The following SAMTOR variants were observed in gnomAD, a reference collection of about 807,000 sequenced individuals.
SAMTOR encodes the protein UPF0532 protein C7orf60.
chr7:112,913,730 T>C, the SAMTOR span, among the ~76,000 whole-genome samples: 1 of 152,212 alleles, frequency 6.6e-6, no homozygotes, highest in Non-Finnish European at 1.5e-5. Context: ...CTCCTGGCTG[T>C]TTCTGAAACA....
chr7:112,921,311 A>T, the SAMTOR span, among the ~76,000 whole-genome samples: 1 of 152,054 alleles, frequency 6.6e-6, no homozygotes. Flanking sequence ...CAACTATCTG[A>T]TCTTTGACAA....
At chr7:112,881,103 C>T in the SAMTOR span, among the ~76,000 whole-genome samples, 2 of 152,202 alleles carry the variant, frequency 1.3e-5, no homozygotes, top group Non-Finnish European at 2.9e-5. Context: ...GCTCCTGCCG[C>T]CCACTCCAAT....
At chr7:112,897,422 A>G in the SAMTOR span, among the ~76,000 whole-genome samples, 1 of 152,154 alleles carries the variant, frequency 6.6e-6, no homozygotes, top group Middle Eastern at 3.2e-3. Context: ...GGTGATATTC[A>G]AAAGTTCTTG....
chr7:112,881,192 C>T, the SAMTOR span, among the ~76,000 whole-genome samples: 1 of 152,216 alleles, frequency 6.6e-6, no homozygotes, highest in Non-Finnish European at 1.5e-5. Flanking sequence ...GACACTCCAG[C>T]CCCCTGCCAC....
chr7:112,838,762 C>T, the SAMTOR span, among the ~76,000 whole-genome samples: 1 of 151,620 alleles, frequency 6.6e-6, no homozygotes, highest in Non-Finnish European at 1.5e-5. Flanking sequence ...AAAAGAACTG[C>T]AAAAATATCC....
the SAMTOR span, among the ~76,000 whole-genome samples, chr7:112,910,150 AC>A: frequency 6.6e-6 from 1 of 151,780 alleles, no homozygotes; most frequent in African/African-American, 2.4e-5. Context: ...TTATTTGAAC[AC>A]CCCACCCCCC....
the SAMTOR span, among the ~76,000 whole-genome samples, chr7:112,881,889 G>A: frequency 6.6e-6 from 1 of 152,234 alleles, no homozygotes; most frequent in Admixed American, 6.5e-5. Flanking sequence ...AAAACAGGAG[G>A]CTGAAATGGC....
chr7:112,868,415 T>C, the SAMTOR span, among the ~76,000 whole-genome samples: 5 of 152,276 alleles, frequency 3.3e-5, no homozygotes, highest in South Asian at 2.1e-4. Context: ...GCTGGTTACA[T>C]GAATGAAAGC....
the SAMTOR span, among the ~76,000 whole-genome samples, chr7:112,899,027 C>A: frequency 6.6e-6 from 1 of 152,104 alleles, no homozygotes; most frequent in Non-Finnish European, 1.5e-5. Context: ...CTTCTATGCC[C>A]AGACACTGAA....
At chr7:112,866,548 G>A in the SAMTOR span, among the ~76,000 whole-genome samples, 79 of 152,350 alleles carry the variant, frequency 5.2e-4, no homozygotes, top group African/African-American at 1.3e-3. Flanking sequence ...AAGGAAGGGC[G>A]TGAGTTCTAG....
chr7:112,919,620 G>A, the SAMTOR span, among the ~76,000 whole-genome samples: 1 of 152,088 alleles, frequency 6.6e-6, no homozygotes, highest in African/African-American at 2.4e-5. Context: ...GAAGAAAATA[G>A]AGACACAAAA....
the SAMTOR span, among the ~76,000 whole-genome samples, chr7:112,860,471 C>T: frequency 3.9e-5 from 6 of 152,068 alleles, no homozygotes; most frequent in South Asian, 1.2e-3. Flanking sequence ...TTGCATCCTG[C>T]GACTGTATTG....
the SAMTOR span, among the ~76,000 whole-genome samples, chr7:112,938,662 C>G: frequency 6.6e-6 from 1 of 152,212 alleles, no homozygotes; most frequent in Non-Finnish European, 1.5e-5. Flanking sequence ...AGAAGTCTCT[C>G]TCCCAAGCCT....
chr7:112,908,146 A>G, the SAMTOR span, among the ~76,000 whole-genome samples: 1 of 152,186 alleles, frequency 6.6e-6, no homozygotes, highest in South Asian at 2.1e-4. Flanking sequence ...GTCAAACATT[A>G]TCTTAGGTGT....
the SAMTOR span, among the ~76,000 whole-genome samples, chr7:112,893,940 C>T: frequency 6.6e-6 from 1 of 152,214 alleles, no homozygotes; most frequent in African/African-American, 2.4e-5. Flanking sequence ...ATGACTTTTC[C>T]TTTGAATTCA....
the SAMTOR span, among the ~76,000 whole-genome samples, chr7:112,828,620 G>GACATAATTCA: frequency 6.6e-6 from 1 of 152,164 alleles, no homozygotes; most frequent in East Asian, 1.9e-4. Flanking sequence ...GTTTTAGGTT[G>GACATAATTCA]ACATAATTCA....
chr7:112,842,872 C>A, the SAMTOR span, among the ~76,000 whole-genome samples: 1 of 151,956 alleles, frequency 6.6e-6, no homozygotes, highest in Non-Finnish European at 1.5e-5. Context: ...CACTTTACTT[C>A]CACATTAATA....
At chr7:112,893,646 A>T in the SAMTOR span, among the ~76,000 whole-genome samples, 5 of 152,128 alleles carry the variant, frequency 3.3e-5, no homozygotes, top group Non-Finnish European at 1.5e-5. Flanking sequence ...TTTAAAAATA[A>T]TTTTTCCTTC....
chr7:112,879,819 C>T, the SAMTOR span, among the ~76,000 whole-genome samples: 3 of 152,062 alleles, frequency 2.0e-5, no homozygotes, highest in African/African-American at 7.2e-5. Context: ...AGGGTTTTAG[C>T]TTAAAACTCA....
Sources: gnomAD v4.1 joint callset for allele counts (sites outside exome capture counted in the v4.1 genomes callset) on GRCh38, gnomAD v4.1.1 for gene constraint, MANE v1.5 for transcripts, NCBI Gene and HGNC (gene_info 2026-07-23, HGNC 2026-07-21) for gene names.